STPG2: variants seen among roughly 807,000 people sequenced by gnomAD.
STPG2 encodes sperm tail PG-rich repeat containing 2.
STPG2 carries 56 observed loss-of-function variants against 54.2 expected under a neutral mutation model. That is an observed-to-expected ratio of 1.03 (90% confidence interval 0.83 to 1.29). STPG2 has a LOEUF of 1.29. Ranked by LOEUF, STPG2 falls within the 50% of genes most tolerant of loss-of-function variation. STPG2 has a pLI of 0.00. For missense variants in STPG2, 596 were observed against 544.9 expected (o/e 1.09, Z -0.93); for synonymous variants, 200 against 181.8 (o/e 1.10, Z -0.81).
chr4:97,623,575 T>C (rs143960522), intron 10 of STPG2, among the ~76,000 whole-genome samples: 2 of 152,254 alleles, frequency 1.3e-5, no homozygotes, highest in African/African-American at 4.8e-5. Flanking sequence ...GTGGCTATTA[T>C]TAAAAAGTCA....
At chr4:97,771,479 C>G (rs1324873007) in intron 9 of STPG2, among the ~76,000 whole-genome samples, 1 of 152,056 alleles carries the variant, frequency 6.6e-6, no homozygotes, top group African/African-American at 2.4e-5. Context: ...CAGACCAGAG[C>G]TGGTCTGTAG....
intron 3 of STPG2, among the ~76,000 whole-genome samples, chr4:98,116,448 G>A (rs1160165881): frequency 6.6e-6 from 1 of 151,804 alleles, no homozygotes; most frequent in East Asian, 1.9e-4. Context: ...CTTGGCCAAG[G>A]ACTAATAACT....
chr4:97,907,759 C>A (rs960616292), intron 8 of STPG2, among the ~76,000 whole-genome samples: 1 of 152,150 alleles, frequency 6.6e-6, no homozygotes, highest in Non-Finnish European at 1.5e-5. Flanking sequence ...GAAAAACAAG[C>A]AATGGGGAAA....
chr4:97,691,459 C>T (rs1450520153), intron 10 of STPG2, among the ~76,000 whole-genome samples: 2 of 152,042 alleles, frequency 1.3e-5, no homozygotes. Flanking sequence ...CCATAATCCC[C>T]CTGGGAACAT....
intron 9 of STPG2, among the ~76,000 whole-genome samples, chr4:97,730,800 T>C (rs1251677383): frequency 2.0e-5 from 3 of 152,212 alleles, no homozygotes; most frequent in Non-Finnish European, 2.9e-5. Flanking sequence ...TGTTCTAATC[T>C]GTTATTAATA....
intron 10 of STPG2, among the ~76,000 whole-genome samples, chr4:97,580,280 A>G (rs1732829792): frequency 6.6e-6 from 1 of 151,990 alleles, no homozygotes; most frequent in African/African-American, 2.4e-5. Flanking sequence ...TCACCAGGTG[A>G]CATACACATA....
chr4:97,523,539 T>C (rs913877060), intron 4 of STPG2, among the ~76,000 whole-genome samples: 1 of 152,078 alleles, frequency 6.6e-6, no homozygotes, highest in East Asian at 1.9e-4. Flanking sequence ...CAGTTAAAAA[T>C]TGTTTATTAG....
intron 9 of STPG2, among the ~76,000 whole-genome samples, chr4:97,725,482 G>A (rs180733168): frequency 2.6e-4 from 39 of 151,914 alleles, no homozygotes; most frequent in African/African-American, 8.9e-4. Flanking sequence ...ATAGTATGAT[G>A]AAATACATTC....
At chr4:98,131,580 G>T (rs147346459) in intron 2 of STPG2, among the ~76,000 whole-genome samples, 1 of 152,190 alleles carries the variant, frequency 6.6e-6, no homozygotes, top group East Asian at 1.9e-4. Flanking sequence ...TGATTAAAAT[G>T]TAATATGAGC....
At chr4:97,590,211 G>A (rs1413143109) in intron 10 of STPG2, among the ~76,000 whole-genome samples, 1 of 152,004 alleles carries the variant, frequency 6.6e-6, no homozygotes, top group Non-Finnish European at 1.5e-5. Context: ...ACTGTTCCAT[G>A]GAGGGCAGGT....
rs946949784 is a variant in STPG2, at chr4:97,792,976, A to AC, written c.1204+47796dup. ...AGACCAGCCTGGCCAACATGGTGAG[A>AC]CCCCCATCTCTACTAATAATACAAA... is the stretch of plus-strand genomic sequence containing the variant. On this transcript the variant is annotated intron_variant, in intron 9 of 10. Coordinates refer to ENST00000295268, the MANE Select transcript of STPG2 (RefSeq NM_174952.3). Among the ~76,000 whole-genome samples the AC allele has an allele frequency of 1.5e-4, 23 of 151,916 alleles. No individual in the cohort carries two copies. The East Asian group carries it at 1.9e-3, about 13-fold the overall frequency.
chr4:98,128,223 G>A (rs6818045), intron 3 of STPG2, among the ~76,000 whole-genome samples: 60,132 of 152,008 alleles, frequency 0.4, 12,133 homozygotes, highest in Middle Eastern at 0.46. Context: ...GTCACTTAAC[G>A]AGAATGTCCA....
At chr4:98,051,750 AAG>A (rs1023814416) in intron 5 of STPG2, among the ~76,000 whole-genome samples, 2 of 151,904 alleles carry the variant, frequency 1.3e-5, no homozygotes, top group Non-Finnish European at 2.9e-5. Flanking sequence ...CAAGCAGAAG[AAG>A]AGAGGACATA....
Position 97,559,039 on chromosome 4 carries a change from T to G in STPG2, c.*19A>C. On this transcript the variant is annotated 3_prime_UTR_variant, in exon 11 of 11. Transcript: ENST00000295268. ...GACTTCCATGAAGTTGTTTTTTAAG[T>G]TTTTGCCATAAATTTATGTCACATT... 1 of 1,580,252 alleles carries G rather than the reference T, an allele frequency of 6.3e-7. No individual in the cohort carries two copies. Among genetic ancestry groups the G allele is most frequent in the East Asian group, 2.3e-5 (1 of 44,306 alleles).
intron 9 of STPG2, among the ~76,000 whole-genome samples, chr4:97,818,532 A>G (rs113324103): frequency 0.02 from 3,092 of 152,070 alleles, 98 homozygotes; most frequent in African/African-American, 0.071. Flanking sequence ...CTGAGGCCAT[A>G]GAAAGTGAAA....
intron 4 of STPG2, among the ~76,000 whole-genome samples, chr4:97,501,673 G>T (rs1181166460): frequency 2.6e-5 from 4 of 151,714 alleles, no homozygotes. Context: ...TCCAGCCTGG[G>T]TGACAAAGTG....
intron 9 of STPG2, among the ~76,000 whole-genome samples, chr4:97,753,821 CTATT>C (rs1216228632): frequency 6.6e-5 from 10 of 151,944 alleles, no homozygotes; most frequent in African/African-American, 2.4e-4. Context: ...GAAGAAATAT[CTATT>C]TATGTCTCCT....
chr4:97,771,514 T>C (rs1726220558), intron 9 of STPG2, among the ~76,000 whole-genome samples: 1 of 152,090 alleles, frequency 6.6e-6, no homozygotes, highest in Non-Finnish European at 1.5e-5. Flanking sequence ...GGAAGCATCC[T>C]TTTGGAGTAC....
chr4:97,866,249 T>G (rs1024229432), intron 8 of STPG2, among the ~76,000 whole-genome samples: 1 of 151,964 alleles, frequency 6.6e-6, no homozygotes, highest in African/African-American at 2.4e-5. Context: ...TAAAAGAGTA[T>G]AATTGAATTG....
Sources: allele counts gnomAD v4.1 joint callset (sites outside exome capture counted in the v4.1 genomes callset), GRCh38; gene constraint gnomAD v4.1.1; transcripts MANE v1.5; gene names NCBI Gene and HGNC (gene_info 2026-07-23, HGNC 2026-07-21).